Variants in PCDHGA8 observed in about 807,000 individuals in gnomAD.
The protein encoded by PCDHGA8 is protocadherin gamma subfamily A, 8, also known as protocadherin gamma-A8.
In PCDHGA8, 45 loss-of-function variants were observed where a neutral mutation model predicts 59.2. The ratio of observed to expected loss-of-function variants is 0.76; its 90% CI spans 0.60 to 0.98. PCDHGA8 has a LOEUF of 0.98. Among genes scored for constraint, PCDHGA8 ranks in the 50% least tolerant of loss-of-function variants. The pLI is 0.00. For synonymous variants in PCDHGA8, 531 were observed against 519.0 expected, an observed-to-expected ratio of 1.02 and a Z score of -0.32; for missense variants, 1,257 against 1,196.2, an observed-to-expected ratio of 1.05 and a Z score of -0.75.
At chr5:141,395,358 G>C in intron 1 of PCDHGA8, 121 bp downstream of exon 1, 1 of 1,346,158 alleles carries the variant, frequency 7.4e-7, no homozygotes, top group Non-Finnish European at 9.9e-7. Flanking sequence ...ACAGAGTTTT[G>C]GGTTTATTTT....
Position 141,402,817 on chromosome 5 carries a change from C to T in PCDHGA8, c.2424+7580C>T, listed in dbSNP as rs1040353038. On this transcript the variant is annotated intron_variant, in intron 1 of 3. Transcript: ENST00000398604. ...ACAAAACCCGGCAGATACCACAAACCTGCTCCCAGGCTGCAGCAAAACTCA... is the reference window on the plus strand; with the variant it reads ...ACAAAACCCGGCAGATACCACAAACTTGCTCCCAGGCTGCAGCAAAACTCA... The T allele has an allele frequency of 6.3e-6, 8 of 1,267,616 alleles. No homozygotes were observed. In the African/African-American group the frequency reaches 1.2e-4, roughly 19 times the overall value. The allele number at this position is 1,267,616 out of a possible 1,614,324, so 78.5% of individuals were successfully genotyped here.
intron 3 of PCDHGA8, among the ~76,000 whole-genome samples, chr5:141,509,068 G>A (rs1267011061): frequency 6.6e-6 from 1 of 152,144 alleles, no homozygotes; most frequent in Non-Finnish European, 1.5e-5. Flanking sequence ...TCTCAGCTCC[G>A]GGGATTTGCG....
At chr5:141,447,232 C>T (rs988057696) in intron 1 of PCDHGA8, among the ~76,000 whole-genome samples, 3 of 152,062 alleles carry the variant, frequency 2.0e-5, no homozygotes, top group East Asian at 1.9e-4. Flanking sequence ...CTCCGCCTCC[C>T]GGGTTCAAGT....
At chr5:141,456,312 G>A (rs1036961015) in intron 1 of PCDHGA8, among the ~76,000 whole-genome samples, 2 of 152,126 alleles carry the variant, frequency 1.3e-5, no homozygotes, top group African/African-American at 4.8e-5. Flanking sequence ...AGCAGCTAGG[G>A]CTCCTCCTGG....
chr5:141,414,475 C>T (rs2095752413), intron 1 of PCDHGA8: 1 of 1,613,804 alleles, frequency 6.2e-7, no homozygotes, highest in Non-Finnish European at 8.5e-7. Flanking sequence ...TGGGGGAAGT[C>T]CTCCTCTATC....
chr5:141,409,711 A>T (rs768917889), intron 1 of PCDHGA8: 1 of 1,613,204 alleles, frequency 6.2e-7, no homozygotes, highest in Non-Finnish European at 8.5e-7. Flanking sequence ...CGGTGTCGTC[A>T]TACGTGTCAG....
rs1216840918 is a variant in PCDHGA8, at chr5:141,476,285, G to C, written c.2425-18522G>C. The C allele has an allele frequency of 1.2e-6, 2 of 1,614,036 alleles. No individual in the cohort carries two copies. The highest frequency in any genetic ancestry group is 1.7e-6 in the Non-Finnish European group (2 of 1,180,032). ...CAACGTGGTCGCGAACCTTGGTTTG[G>C]ATCTCGGTAGCCTCTCAGCCCGCAG... On this transcript the variant is annotated intron_variant, in intron 1 of 3. Coordinates refer to ENST00000398604, the MANE Select transcript of PCDHGA8 (RefSeq NM_032088.2). This position sits in a 1 kb window ranked among gnomAD's most constrained non-coding sequence, Gnocchi z 7.6.
At chr5:141,430,928 C>A in intron 1 of PCDHGA8, 1 of 1,607,098 alleles carries the variant, frequency 6.2e-7, no homozygotes, top group Non-Finnish European at 8.5e-7. Context: ...GCTGGAGCCC[C>A]GGGAGCTCGC....
intron 1 of PCDHGA8, chr5:141,441,752 C>A (rs1043293959): frequency 5.3e-6 from 2 of 377,970 alleles, no homozygotes; most frequent in Non-Finnish European, 5.3e-6. Flanking sequence ...TCGGCGTCAA[C>A]GTGAGCCTGC....
chr5:141,414,193 A>C, intron 1 of PCDHGA8: 1 of 1,610,884 alleles, frequency 6.2e-7, no homozygotes, highest in Admixed American at 1.7e-5. Context: ...AGTGTTGATT[A>C]CAGTAGAAGA....
At chr5:141,461,757 G>A (rs2099022119) in intron 1 of PCDHGA8, among the ~76,000 whole-genome samples, 1 of 151,994 alleles carries the variant, frequency 6.6e-6, no homozygotes, top group Non-Finnish European at 1.5e-5. Context: ...AGATTCAAGC[G>A]ATTCTCCTGC....
intron 1 of PCDHGA8, among the ~76,000 whole-genome samples, chr5:141,420,624 CTCAA>C (rs1561789527): frequency 1.3e-5 from 2 of 152,278 alleles, no homozygotes; most frequent in Admixed American, 1.3e-4. Context: ...TCTTCATTTA[CTCAA>C]TAAAGGAACC....
At position 141,511,256 on chromosome 5, in the gene PCDHGA8, T is replaced by C. The variant is rs1003866304; in HGVS notation, c.*83T>C. On this transcript the variant is annotated 3_prime_UTR_variant, in exon 4 of 4. Transcript: ENST00000398604. ...CTTACCTGCACCCAGGCCTCAGAGT[T>C]TCAGGGCTAACCCCCAGAATACTGG... The C allele has an allele frequency of 1.9e-6, 3 of 1,563,388 alleles. No homozygotes were observed. The highest frequency in any genetic ancestry group is 2.7e-5 in the African/African-American group (2 of 73,508).
Position 141,490,447 on chromosome 5 carries a change from C to A in PCDHGA8, c.2425-4360C>A, listed in dbSNP as rs1273424450. 1.2e-6 allele frequency: 2 copies of A among 1,614,196 alleles called. No homozygotes were observed. The highest frequency in any genetic ancestry group is 1.7e-5 in the Admixed American group (1 of 60,030). Reference sequence around the variant, plus strand: ...ATTTCAGATTAAGCCTTCTGAGAACCACTACTCGCTGCTAACCAGCCAGCC... The same window carrying A: ...ATTTCAGATTAAGCCTTCTGAGAACAACTACTCGCTGCTAACCAGCCAGCC... On this transcript the variant is annotated intron_variant, in intron 1 of 3. Coordinates refer to ENST00000398604, the MANE Select transcript of PCDHGA8 (RefSeq NM_032088.2). This position sits in a 1 kb window ranked among gnomAD's most constrained non-coding sequence, Gnocchi z 5.4.
intron 1 of PCDHGA8, chr5:141,403,949 G>T: frequency 1.2e-6 from 2 of 1,613,886 alleles, no homozygotes; most frequent in Non-Finnish European, 1.7e-6. Flanking sequence ...GTGGACAAAA[G>T]TGCTCATTTC....
intron 1 of PCDHGA8, chr5:141,413,835 C>T (rs762735722): frequency 1.9e-6 from 3 of 1,613,258 alleles, no homozygotes. Context: ...CCGCCTCCGA[C>T]GGGGGTGACC....
intron 1 of PCDHGA8, among the ~76,000 whole-genome samples, chr5:141,438,223 CA>C: frequency 6.6e-6 from 1 of 151,912 alleles, no homozygotes; most frequent in Non-Finnish European, 1.5e-5. Context: ...GGCTCTGGTT[CA>C]GGAAAATGTT....
chr5:141,408,833 A>G, intron 1 of PCDHGA8: 1 of 1,613,704 alleles, frequency 6.2e-7, no homozygotes, highest in Non-Finnish European at 8.5e-7. Context: ...TCATAGCTTG[A>G]TATTGACTGC....
intron 1 of PCDHGA8, chr5:141,419,166 A>G: frequency 6.2e-7 from 1 of 1,613,944 alleles, no homozygotes; most frequent in Non-Finnish European, 8.5e-7. Context: ...TCCTCCAGCA[A>G]AACCATAACC....
Sources: allele counts gnomAD v4.1 joint callset (sites outside exome capture counted in the v4.1 genomes callset), GRCh38; gene constraint gnomAD v4.1.1; non-coding constraint Gnocchi (gnomAD v3.1); transcripts MANE v1.5; gene names NCBI Gene and HGNC (gene_info 2026-07-23, HGNC 2026-07-21).